KCNK1: variants seen among roughly 807,000 people sequenced by gnomAD.
The protein encoded by KCNK1 is potassium two pore domain channel subfamily K member 1.
KCNK1 carries 10 observed loss-of-function variants against 22.2 expected under a neutral mutation model. The observed-to-expected ratio is 0.45, with a 90% CI of 0.28 to 0.76. The LOEUF is 0.76. Ranked by LOEUF, KCNK1 falls within the 30% of genes least tolerant of loss-of-function variation. The pLI is 0.14. For missense variants in KCNK1, 378 were observed against 421.0 expected, an observed-to-expected ratio of 0.90 and a Z score of 0.89; for synonymous variants, 200 against 186.4, an observed-to-expected ratio of 1.07 and a Z score of -0.60.
chr1:233,654,718 G>A (rs562660125), intron 1 of KCNK1, among the ~76,000 whole-genome samples: 7 of 152,142 alleles, frequency 4.6e-5, no homozygotes, highest in African/African-American at 7.2e-5. Flanking sequence ...TTTGAGACTT[G>A]TCTGAGTAAC....
At chr1:233,625,495 G>A (rs1196869045) in intron 1 of KCNK1, among the ~76,000 whole-genome samples, 1 of 152,168 alleles carries the variant, frequency 6.6e-6, no homozygotes, top group Non-Finnish European at 1.5e-5. Context: ...GGGAGGATGA[G>A]GGGTGAGAGA....
At chr1:233,636,823 T>TAC (rs1216423310) in intron 1 of KCNK1, among the ~76,000 whole-genome samples, 1 of 152,150 alleles carries the variant, frequency 6.6e-6, no homozygotes, top group African/African-American at 2.4e-5. Context: ...TCATGGTTTC[T>TAC]ACATGTTGTC....
intron 2 of KCNK1, among the ~76,000 whole-genome samples, 164 bp downstream of exon 2, chr1:233,667,154 T>C (rs1027120572): frequency 7.9e-5 from 12 of 152,102 alleles, no homozygotes; most frequent in Non-Finnish European, 5.9e-5. Context: ...AGGGATTCTC[T>C]GCATCAGCCT....
intron 1 of KCNK1, among the ~76,000 whole-genome samples, chr1:233,641,262 A>G (rs1335681810): frequency 1.3e-5 from 2 of 152,090 alleles, no homozygotes; most frequent in Non-Finnish European, 2.9e-5. Context: ...AGAGCACACC[A>G]CCTTCTAATT....
chr1:233,662,039 A>T (rs1216565142), intron 1 of KCNK1: 1 of 152,224 alleles, frequency 6.6e-6, no homozygotes, highest in Non-Finnish European at 1.5e-5. Context: ...GAGAAATTTA[A>T]AGTAGGAGAG....
intron 1 of KCNK1, among the ~76,000 whole-genome samples, chr1:233,631,758 A>G (rs1657801972): frequency 6.6e-6 from 1 of 152,222 alleles, no homozygotes; most frequent in African/African-American, 2.4e-5. Context: ...CACTGTTTTC[A>G]CACATTAGCC....
intron 1 of KCNK1, among the ~76,000 whole-genome samples, chr1:233,623,611 C>T (rs1445665188): frequency 2.6e-5 from 4 of 152,180 alleles, no homozygotes; most frequent in South Asian, 2.1e-4. Context: ...GTTATTGAGA[C>T]GGAGTCTCGC....
chr1:233,625,262 C>T (rs1456201016), intron 1 of KCNK1, among the ~76,000 whole-genome samples: 1 of 152,190 alleles, frequency 6.6e-6, no homozygotes, highest in Non-Finnish European at 1.5e-5. Flanking sequence ...CCTCTCTGAG[C>T]ATGTATTCCT....
rs1658599982 is a variant in KCNK1 at position 233,671,584 on chromosome 1, G to A, written c.*54G>A. The A allele has an allele frequency of 1.3e-6, 2 of 1,581,612 alleles. No individual in the cohort carries two copies. ...CACCAGGGTCAGGGTGCAAGGAAGA[G>A]GCTTAAGTATGTTCATTTTTATCAG... On this transcript the variant is annotated 3_prime_UTR_variant, in exon 3 of 3. Transcript: ENST00000366621.
chr1:233,668,852 G>A (rs1166880042), intron 2 of KCNK1, among the ~76,000 whole-genome samples: 2 of 152,124 alleles, frequency 1.3e-5, no homozygotes, highest in Non-Finnish European at 2.9e-5. Context: ...TGATCTGCCC[G>A]CCTCAGCCTA....
intron 1 of KCNK1, among the ~76,000 whole-genome samples, chr1:233,615,807 T>G (rs1251475639): frequency 6.6e-6 from 1 of 151,806 alleles, no homozygotes; most frequent in South Asian, 2.1e-4. Context: ...TGGTAATTAC[T>G]TGGTAATGAG....
intron 1 of KCNK1, among the ~76,000 whole-genome samples, chr1:233,621,726 TG>T (rs1657589796): frequency 6.6e-6 from 1 of 151,958 alleles, no homozygotes; most frequent in African/African-American, 2.4e-5. Context: ...TTTGAAGGTT[TG>T]GGGTTTTTTT....
In KCNK1 at chr1:233,672,010, A is replaced by C. The variant is rs1658609317; in HGVS notation, c.*480A>C. ...CACCCAAAATGATTATTTTTGTAGA[A>C]TCTAAGTTAAACTTACTATTTATAA... On this transcript the variant is annotated 3_prime_UTR_variant, in exon 3 of 3. Coordinates refer to ENST00000366621, the MANE Select transcript of KCNK1 (RefSeq NM_002245.4). 1 of 163,342 alleles carries C rather than the reference A, an allele frequency of 6.1e-6. No individual in the cohort carries two copies. The highest frequency in any genetic ancestry group is 5.8e-5 in the Admixed American group (1 of 17,362). The allele number at this position is 163,342 out of a possible 1,614,324, so 10.1% of individuals were successfully genotyped here.
At chr1:233,645,997 G>C (rs1185920322) in intron 1 of KCNK1, among the ~76,000 whole-genome samples, 1 of 152,214 alleles carries the variant, frequency 6.6e-6, no homozygotes, top group Admixed American at 6.5e-5. Flanking sequence ...GGAAGACTAG[G>C]GGAGGGACAA....
intron 1 of KCNK1, among the ~76,000 whole-genome samples, chr1:233,651,563 TGA>T (rs2102901821): frequency 6.6e-6 from 1 of 152,200 alleles, no homozygotes; most frequent in Admixed American, 6.5e-5. Flanking sequence ...GTAAAGAAAG[TGA>T]GAGGGGAAAA....
At chr1:233,625,704 AG>A (rs1429564991) in intron 1 of KCNK1, among the ~76,000 whole-genome samples, 1 of 152,168 alleles carries the variant, frequency 6.6e-6, no homozygotes. Flanking sequence ...TGAAGGGGGC[AG>A]AGTCCAGGAT....
chr1:233,618,265 C>T (rs760510628), intron 1 of KCNK1, among the ~76,000 whole-genome samples: 1 of 152,006 alleles, frequency 6.6e-6, no homozygotes, highest in Non-Finnish European at 1.5e-5. Context: ...GCATAGGAAT[C>T]TTATGAGAAT....
rs1187360513 is a variant in KCNK1, at chr1:233,628,759, C to CT, written c.355+14233_355+14234insT. 4.3e-3 allele frequency among the ~76,000 whole-genome samples: 500 copies of CT among 115,720 alleles called. 1 individual carries two copies. The highest frequency in any genetic ancestry group is 0.035 in the African/African-American group (469 of 13,572). 75.9% of individuals were successfully genotyped at this position (115,720 alleles called of 152,430 possible). On this transcript the variant is annotated intron_variant, in intron 1 of 2. Transcript: ENST00000366621. ...TGGGCAACAGAGCAAGACTCTGTCTCAAATAATAATAATAATAATAATAAA... is the reference window on the plus strand; with the variant it reads ...TGGGCAACAGAGCAAGACTCTGTCTCTAAATAATAATAATAATAATAATAAA...
chr1:233,653,977 A>G (rs1013938931), intron 1 of KCNK1, among the ~76,000 whole-genome samples: 3 of 152,112 alleles, frequency 2.0e-5, no homozygotes, highest in Non-Finnish European at 4.4e-5. Context: ...GGTGCACACT[A>G]GAAAAAGCCT....
Sources: gnomAD v4.1 joint callset for allele counts (sites outside exome capture counted in the v4.1 genomes callset) on GRCh38, gnomAD v4.1.1 for gene constraint, MANE v1.5 for transcripts, NCBI Gene and HGNC (gene_info 2026-07-23, HGNC 2026-07-21) for gene names.